Variants in ZBTB16 observed in about 807,000 individuals in gnomAD.
The protein encoded by ZBTB16 is zinc finger and BTB domain containing 16, also known as zinc finger and BTB domain-containing protein 16.
In ZBTB16, 8 loss-of-function variants were observed where a neutral mutation model predicts 56.8. The ratio of observed to expected loss-of-function variants is 0.14; its 90% CI spans 0.08 to 0.25. The LOEUF (loss-of-function observed/expected upper bound fraction) is 0.25, where lower values mean the gene tolerates loss of function less well. Ranked by LOEUF, ZBTB16 falls within the 10% of genes least tolerant of loss-of-function variation. The probability of loss-of-function intolerance (pLI) is 1.00; values close to 1 mark genes in which losing one functional copy is unlikely to be tolerated. For synonymous variants in ZBTB16, 363 were observed against 368.5 expected, an observed-to-expected ratio of 0.98 and a Z score of 0.17; for missense variants, 625 against 903.0, an observed-to-expected ratio of 0.69 and a Z score of 3.95.
At chr11:114,211,139 C>T (rs1033499638) in intron 4 of ZBTB16, among the ~76,000 whole-genome samples, 1 of 152,168 alleles carries the variant, frequency 6.6e-6, no homozygotes, top group Non-Finnish European at 1.5e-5. Context: ...CCAGGCTGGT[C>T]TCAAACTCCT....
At chr11:114,071,794 A>G (rs573090739) in intron 2 of ZBTB16, among the ~76,000 whole-genome samples, 1 of 152,078 alleles carries the variant, frequency 6.6e-6, no homozygotes, top group Non-Finnish European at 1.5e-5. Context: ...TCTGGCAGTT[A>G]TTTAAGTAGT....
chr11:114,128,205 C>G (rs1008505807), intron 2 of ZBTB16, among the ~76,000 whole-genome samples: 1 of 152,240 alleles, frequency 6.6e-6, no homozygotes, highest in Non-Finnish European at 1.5e-5. Flanking sequence ...AGAGCTATGT[C>G]TCTTCCTTAG....
intron 2 of ZBTB16, among the ~76,000 whole-genome samples, chr11:114,066,198 G>T (rs1393919752): frequency 6.6e-6 from 1 of 152,178 alleles, no homozygotes; most frequent in Non-Finnish European, 1.5e-5. Context: ...TTGGGGTGGG[G>T]ATATCTGGAA....
At chr11:114,068,773 G>A (rs1240679667) in intron 2 of ZBTB16, among the ~76,000 whole-genome samples, 1 of 152,174 alleles carries the variant, frequency 6.6e-6, no homozygotes, top group Non-Finnish European at 1.5e-5. Flanking sequence ...GGCTGGAGCA[G>A]TTCTGCATGT....
chr11:114,162,672 CT>C (rs914342188), intron 3 of ZBTB16, among the ~76,000 whole-genome samples: 1 of 152,192 alleles, frequency 6.6e-6, no homozygotes, highest in African/African-American at 2.4e-5. Flanking sequence ...CAGGAAGAAA[CT>C]TCGTTCATGT....
intron 2 of ZBTB16, among the ~76,000 whole-genome samples, chr11:114,084,126 A>G (rs1158503921): frequency 6.6e-6 from 1 of 152,030 alleles, no homozygotes; most frequent in Non-Finnish European, 1.5e-5. Flanking sequence ...CTCTCAGGTT[A>G]TTTCCTTTGT....
intron 4 of ZBTB16, among the ~76,000 whole-genome samples, chr11:114,213,994 C>G (rs1021736522): frequency 2.0e-5 from 3 of 152,108 alleles, no homozygotes; most frequent in African/African-American, 7.2e-5. Flanking sequence ...TTGTCTTTTC[C>G]TACTATTCTG....
At chr11:114,229,626 G>A (rs1025192999) in intron 4 of ZBTB16, among the ~76,000 whole-genome samples, 1 of 152,150 alleles carries the variant, frequency 6.6e-6, no homozygotes, top group East Asian at 1.9e-4. Flanking sequence ...TACGTTCTCT[G>A]CTCCTTTATC....
At position 114,143,517 on chromosome 11, in the gene ZBTB16, T is replaced by G. The variant is rs1183162392; in HGVS notation, c.1269-12820T>G. Among the ~76,000 whole-genome samples the G allele has an allele frequency of 6.6e-6, 1 of 152,148 alleles. No homozygotes were observed. The highest frequency in any genetic ancestry group is 2.4e-5 in the African/African-American group (1 of 41,420). On this transcript the variant is annotated intron_variant, in intron 2 of 6. Transcript: ENST00000335953. The surrounding 1 kb of genome is among the most constrained non-coding windows in gnomAD (Gnocchi z 6.4). ...CCCTCTTGCCTAGTGAAATGTCCTT[T>G]TGGAAGTATCAGGTTCCTGCAGGGA... is the stretch of plus-strand genomic sequence containing the variant.
At chr11:114,237,874 A>C (rs1233570191) in intron 4 of ZBTB16, among the ~76,000 whole-genome samples, 1 of 152,190 alleles carries the variant, frequency 6.6e-6, no homozygotes, top group East Asian at 1.9e-4. Context: ...GTTTCTAAGC[A>C]GAAAAATGGG....
chr11:114,235,629 C>CCTTTCTTT (rs746433237), intron 4 of ZBTB16, among the ~76,000 whole-genome samples: 1,995 of 97,718 alleles, frequency 0.02, 32 homozygotes, highest in Middle Eastern at 0.029. Flanking sequence ...CCTCTCCCTT[C>CCTTTCTTT]CTTTCTTTCT....
chr11:114,242,527 G>A (rs763811338), intron 5 of ZBTB16, among the ~76,000 whole-genome samples, 190 bp downstream of exon 5: 1 of 152,148 alleles, frequency 6.6e-6, no homozygotes, highest in Admixed American at 6.5e-5. Context: ...CCTGTGGACC[G>A]TCGGTTCAAA....
At chr11:114,231,444 G>T (rs1172463790) in intron 4 of ZBTB16, among the ~76,000 whole-genome samples, 3 of 152,130 alleles carry the variant, frequency 2.0e-5, no homozygotes, top group African/African-American at 7.2e-5. Flanking sequence ...AGAGGCTTCA[G>T]GTACTCTCAG....
At chr11:114,196,940 G>A (rs1472852866) in intron 4 of ZBTB16, among the ~76,000 whole-genome samples, 2 of 152,112 alleles carry the variant, frequency 1.3e-5, no homozygotes, top group Admixed American at 1.3e-4. Flanking sequence ...TTGAATGTGT[G>A]CCTTGGGCTT....
intron 2 of ZBTB16, among the ~76,000 whole-genome samples, chr11:114,127,954 TG>T (rs1273930419): frequency 7.2e-5 from 11 of 152,120 alleles, no homozygotes; most frequent in African/African-American, 2.7e-4. Flanking sequence ...GCTAGAGTCT[TG>T]GCACTGAGAG....
intron 3 of ZBTB16, among the ~76,000 whole-genome samples, chr11:114,163,219 C>A (rs1009889000): frequency 1.3e-4 from 19 of 149,100 alleles, no homozygotes; most frequent in Non-Finnish European, 2.1e-4. Flanking sequence ...CACCCCCACC[C>A]CTTCTCGCTT....
intron 2 of ZBTB16, among the ~76,000 whole-genome samples, chr11:114,128,630 T>G (rs1210553047): frequency 1.3e-5 from 2 of 152,132 alleles, no homozygotes; most frequent in African/African-American, 4.8e-5. Context: ...TTCATGAGGG[T>G]TAGCTGTGCT....
At chr11:114,176,788 C>T (rs955321444) in intron 3 of ZBTB16, among the ~76,000 whole-genome samples, 1 of 152,196 alleles carries the variant, frequency 6.6e-6, no homozygotes, top group Non-Finnish European at 1.5e-5. Context: ...CAGGCAGTGA[C>T]AGTCAGGACC....
At chr11:114,207,244 T>C (rs951651796) in intron 4 of ZBTB16, among the ~76,000 whole-genome samples, 2 of 152,066 alleles carry the variant, frequency 1.3e-5, no homozygotes, top group South Asian at 2.1e-4. Context: ...AGAGGAACTT[T>C]ATGAAAAAAA....
Sources: allele counts gnomAD v4.1 joint callset (sites outside exome capture counted in the v4.1 genomes callset), GRCh38; gene constraint gnomAD v4.1.1; non-coding constraint Gnocchi (gnomAD v3.1); transcripts MANE v1.5; gene names NCBI Gene and HGNC (gene_info 2026-07-23, HGNC 2026-07-21).